The following MSN variants were observed in gnomAD, a reference collection of about 807,000 sequenced individuals.
The protein encoded by MSN is epididymis luminal protein 70.
Under a neutral mutation model 48.0 loss-of-function variants are expected in MSN, and 2 were observed. The ratio of observed to expected loss-of-function variants is 0.04; its 90% CI spans 0.02 to 0.13. MSN has a LOEUF of 0.13. MSN is among the 10% of genes least tolerant of loss of function. MSN has a pLI of 1.00. For missense variants in MSN, 267 were observed against 470.1 expected (o/e 0.57, Z 3.99); for synonymous variants, 146 against 166.9 (o/e 0.87, Z 0.97).
intron 1 of MSN, among the ~76,000 whole-genome samples, chrX:65,624,219 C>G (rs768218030): frequency 7.3e-5 from 8 of 109,554 alleles, no homozygotes; most frequent in Admixed American, 2.0e-4. Flanking sequence ...GCTGGGATTA[C>G]AGGCATGCAC....
intron 12 of MSN, 88 bp from the exon 13 acceptor site, chrX:65,739,641 A>C: frequency 9.8e-7 from 1 of 1,017,301 alleles, no homozygotes. Flanking sequence ...AGAAAGAAGG[A>C]AACAGAAGAG....
At chrX:65,704,771 G>GT (rs367932812) in intron 1 of MSN, among the ~76,000 whole-genome samples, 1,432 of 97,428 alleles carry the variant, frequency 0.015, 32 homozygotes, top group African/African-American at 0.044. Context: ...CAAAAGCCAG[G>GT]TTTTTTTTTT....
intron 2 of MSN, among the ~76,000 whole-genome samples, chrX:65,727,272 C>T (rs1175959970): frequency 5.4e-5 from 6 of 111,615 alleles, no homozygotes; most frequent in African/African-American, 2.0e-4. Context: ...ATGGGAGTGG[C>T]CCAAGAGAAC....
chrX:65,714,391 A>T (rs7058163), intron 1 of MSN, among the ~76,000 whole-genome samples: 2,304 of 111,878 alleles, frequency 0.021, 72 homozygotes, highest in African/African-American at 0.071. Flanking sequence ...AGAAATTGCC[A>T]CACTGTTTTC....
intron 1 of MSN, among the ~76,000 whole-genome samples, chrX:65,639,956 G>C (rs1018843241): frequency 9.0e-6 from 1 of 111,603 alleles, no homozygotes; most frequent in Non-Finnish European, 1.9e-5. Context: ...CTATCTGCCA[G>C]GTGCTGTGCT....
At chrX:65,701,656 G>C (rs763228597) in intron 1 of MSN, among the ~76,000 whole-genome samples, 1 of 111,951 alleles carries the variant, frequency 8.9e-6, no homozygotes, top group African/African-American at 3.2e-5. Context: ...GCTAAGTTTG[G>C]GATATACCTC....
At chrX:65,614,679 CT>C (rs1423255481) in intron 1 of MSN, among the ~76,000 whole-genome samples, 4 of 90,839 alleles carry the variant, frequency 4.4e-5, no homozygotes, top group Non-Finnish European at 8.5e-5. Context: ...TTTTTTTTTT[CT>C]TTTATTTATT....
At chrX:65,656,228 TAA>T (rs2070779854) in intron 1 of MSN, among the ~76,000 whole-genome samples, 1 of 110,792 alleles carries the variant, frequency 9.0e-6, no homozygotes, top group African/African-American at 3.3e-5. Context: ...AGTGTTTACC[TAA>T]GGCAGACTGG....
chrX:65,666,153 C>A, upstream of MSN, among the ~76,000 whole-genome samples: 1 of 109,823 alleles, frequency 9.1e-6, no homozygotes, highest in Middle Eastern at 4.7e-3. Flanking sequence ...GAACTACGTG[C>A]CATCACACCC....
chrX:65,651,093 C>T (rs2070738244), intron 1 of MSN, among the ~76,000 whole-genome samples: 1 of 111,072 alleles, frequency 9.0e-6, no homozygotes, highest in African/African-American at 3.3e-5. Flanking sequence ...ACCTTAATTC[C>T]TCTTTGTAAT....
At chrX:65,686,226 AG>A (rs1276803080) in intron 1 of MSN, among the ~76,000 whole-genome samples, 1 of 113,155 alleles carries the variant, frequency 8.8e-6, no homozygotes, top group Non-Finnish European at 1.9e-5. Flanking sequence ...TGAAGGAACC[AG>A]GCCACTAGAG....
intron 1 of MSN, among the ~76,000 whole-genome samples, chrX:65,692,889 A>T (rs1360458772): frequency 1.8e-5 from 2 of 111,353 alleles, no homozygotes; most frequent in Non-Finnish European, 3.8e-5. Context: ...CATATTGGCT[A>T]GGCTGGTCTC....
At chrX:65,720,633 A>G (rs949445261) in intron 2 of MSN, among the ~76,000 whole-genome samples, 1 of 111,985 alleles carries the variant, frequency 8.9e-6, no homozygotes, top group Non-Finnish European at 1.9e-5. Flanking sequence ...GGGACCCATC[A>G]TTCAAGGAGG....
chrX:65,670,038 C>A (rs183730057), intron 1 of MSN, among the ~76,000 whole-genome samples: 2 of 111,242 alleles, frequency 1.8e-5, no homozygotes, highest in African/African-American at 6.5e-5. Flanking sequence ...TGTTCTCAGA[C>A]CTTTATGGTC....
chrX:65,701,704 A>G (rs1313118591), intron 1 of MSN, among the ~76,000 whole-genome samples: 2 of 112,100 alleles, frequency 1.8e-5, no homozygotes, highest in Non-Finnish European at 3.8e-5. Context: ...TGGTGGCATC[A>G]TTATGCCCAC....
At chrX:65,723,843 A>G (rs1409843469) in intron 2 of MSN, among the ~76,000 whole-genome samples, 1 of 110,536 alleles carries the variant, frequency 9.0e-6, no homozygotes, top group Admixed American at 9.6e-5. Context: ...TTCAGACCAT[A>G]TTTCCTTCCC....
chrX:65,725,184 C>T (rs2071556226), intron 2 of MSN, among the ~76,000 whole-genome samples: 1 of 111,868 alleles, frequency 8.9e-6, no homozygotes, highest in African/African-American at 3.3e-5. Flanking sequence ...GTCCCCATGA[C>T]TGAAACACCT....
intron 1 of MSN, among the ~76,000 whole-genome samples, chrX:65,703,543 G>A (rs998018982): frequency 9.0e-6 from 1 of 110,588 alleles, no homozygotes; most frequent in Non-Finnish European, 1.9e-5. Context: ...CTACCCCTGG[G>A]GTTGAAAACA....
chrX:65,705,182 T>C (rs1221782917), intron 1 of MSN, among the ~76,000 whole-genome samples: 2 of 111,612 alleles, frequency 1.8e-5, no homozygotes, highest in East Asian at 2.8e-4. Context: ...TGTTGCAAGG[T>C]TCGAATCGAG....
Sources: allele counts gnomAD v4.1 joint callset (sites outside exome capture counted in the v4.1 genomes callset), GRCh38; gene constraint gnomAD v4.1.1; transcripts MANE v1.5; gene names NCBI Gene and HGNC (gene_info 2026-07-23, HGNC 2026-07-21).